Variants in FOXK2 observed in about 807,000 individuals in gnomAD.
FOXK2 encodes the protein forkhead box K2.
Under a neutral mutation model 53.3 loss-of-function variants are expected in FOXK2, and 24 were observed. That is an observed-to-expected ratio of 0.45 (90% CI 0.33 to 0.63). FOXK2 has a LOEUF of 0.63. FOXK2 is among the 30% of genes least tolerant of loss of function. The pLI is 0.03. For missense variants in FOXK2, 952 were observed against 910.5 expected, an observed-to-expected ratio of 1.05 and a Z score of -0.59; for synonymous variants, 505 against 407.1, an observed-to-expected ratio of 1.24 and a Z score of -2.89.
At chr17:82,601,277 G>A (rs774187840) in intron 8 of FOXK2, 26 bp from the exon 9 acceptor site, 1 of 1,602,716 alleles carries the variant, frequency 6.2e-7, no homozygotes, top group Non-Finnish European at 8.5e-7. Context: ...AGAGCGTGGG[G>A]TTCTGACTCC....
intron 8 of FOXK2, chr17:82,595,757 G>A (rs1012326662): frequency 8.5e-6 from 11 of 1,288,462 alleles, no homozygotes; most frequent in Non-Finnish European, 1.0e-5. Context: ...TGTGACTTGG[G>A]GTCCTTTCCC....
chr17:82,536,475 G>C (rs986485210), intron 1 of FOXK2, among the ~76,000 whole-genome samples: 1 of 152,160 alleles, frequency 6.6e-6, no homozygotes. Context: ...ACTTTTCCAA[G>C]CTATTGTTAT....
intron 4 of FOXK2, among the ~76,000 whole-genome samples, chr17:82,575,316 G>A (rs1046377173): frequency 1.4e-4 from 19 of 140,192 alleles, no homozygotes; most frequent in African/African-American, 4.7e-4. Context: ...CAGCAAACAC[G>A]CAAACACACT....
chr17:82,547,973 C>T (rs1011805331), intron 1 of FOXK2, among the ~76,000 whole-genome samples: 3 of 152,330 alleles, frequency 2.0e-5, no homozygotes, highest in South Asian at 2.1e-4. Context: ...GATTGCTGGG[C>T]GGCAGCTGAG....
Position 82,553,272 on chromosome 17 carries a change from C to T in FOXK2, c.420-10082C>T, listed in dbSNP as rs1466984467. Among the ~76,000 whole-genome samples the T allele has an allele frequency of 2.0e-5, 3 of 152,224 alleles. No homozygotes were observed. The East Asian group carries it at 5.8e-4, about 29-fold the overall frequency. On this transcript the variant is annotated intron_variant, in intron 1 of 8. Transcript: ENST00000335255. ...TTAAACAGGCAGAAAGGAGCTCACC[C>T]ATGGAGCATTTTTTCTGAGTCGCCT...
intron 4 of FOXK2, chr17:82,578,409 G>A (rs564138734): frequency 6.6e-5 from 10 of 152,306 alleles, no homozygotes; most frequent in Admixed American, 5.2e-4. Flanking sequence ...CATGTTTAGC[G>A]TTAAAGAATA....
intron 4 of FOXK2, chr17:82,576,739 T>G: frequency 2.6e-6 from 2 of 768,862 alleles, no homozygotes; most frequent in Non-Finnish European, 4.2e-6. Context: ...ACCGTGAACG[T>G]AGCAGCATGT....
Position 82,573,367 on chromosome 17 carries a change from A to G in FOXK2, c.909+1497A>G, listed in dbSNP as rs115144456. Among the ~76,000 whole-genome samples the G allele has an allele frequency of 7.2e-3, 1,095 of 152,010 alleles. 9 individuals carry two copies. The highest frequency in any genetic ancestry group is 0.025 in the African/African-American group (1,055 of 41,434). On this transcript the variant is annotated intron_variant, in intron 4 of 8. Transcript: ENST00000335255. The stretch of plus-strand genomic sequence containing the variant: ...CCCTGTCCTGCCTGCCTTCCTGTCT[A>G]CAGCAAGGGGGTATCTCTTAATTGA...
At chr17:82,543,942 A>G (rs920746604) in intron 1 of FOXK2, among the ~76,000 whole-genome samples, 1 of 151,904 alleles carries the variant, frequency 6.6e-6, no homozygotes, top group South Asian at 2.1e-4. Context: ...ACGCCTGGCT[A>G]ATTTTTTGTA....
At chr17:82,538,667 G>A (rs1176496024) in intron 1 of FOXK2, among the ~76,000 whole-genome samples, 1 of 152,168 alleles carries the variant, frequency 6.6e-6, no homozygotes, top group Non-Finnish European at 1.5e-5. Context: ...TCTGCACCGT[G>A]TTTTATAGGG....
chr17:82,560,211 T>C (rs1244852514), intron 1 of FOXK2, among the ~76,000 whole-genome samples: 1 of 151,648 alleles, frequency 6.6e-6, no homozygotes, highest in African/African-American at 2.4e-5. Flanking sequence ...GGTTTCAGAG[T>C]GTTAGGCAGG....
At chr17:82,573,911 G>C (rs2044951649) in intron 4 of FOXK2, among the ~76,000 whole-genome samples, 1 of 152,220 alleles carries the variant, frequency 6.6e-6, no homozygotes, top group Non-Finnish European at 1.5e-5. Context: ...CTGGATAAAG[G>C]CCTGGCCTCA....
chr17:82,558,440 C>T (rs912828081), intron 1 of FOXK2, among the ~76,000 whole-genome samples: 2 of 152,206 alleles, frequency 1.3e-5, no homozygotes, highest in African/African-American at 2.4e-5. Context: ...GGACGTTGTG[C>T]GTAACTCTAC....
intron 8 of FOXK2, chr17:82,595,897 CT>C: frequency 1.6e-6 from 2 of 1,282,038 alleles, no homozygotes; most frequent in South Asian, 1.2e-5. Flanking sequence ...AGAGCAAAGC[CT>C]TTTCCGGCAG....
At chr17:82,583,456 A>G (rs1011646565) in intron 5 of FOXK2, among the ~76,000 whole-genome samples, 9 of 152,228 alleles carry the variant, frequency 5.9e-5, no homozygotes, top group African/African-American at 2.2e-4. Context: ...CTGAGGCAGG[A>G]GAATCGCTTG....
At chr17:82,564,230 G>C (rs1007817085) in intron 2 of FOXK2, among the ~76,000 whole-genome samples, 22 of 151,780 alleles carry the variant, frequency 1.4e-4, no homozygotes, top group Non-Finnish European at 4.4e-5. Flanking sequence ...TGGGGCTACA[G>C]ACATGTGCCA....
intron 1 of FOXK2, among the ~76,000 whole-genome samples, chr17:82,550,737 C>T (rs1246098989): frequency 1.3e-5 from 2 of 151,856 alleles, no homozygotes. Context: ...GATCTTCTGA[C>T]CTTGTGATCC....
intron 1 of FOXK2, among the ~76,000 whole-genome samples, chr17:82,532,991 A>G (rs897072469): frequency 5.3e-5 from 8 of 152,138 alleles, no homozygotes; most frequent in Admixed American, 4.6e-4. Context: ...CTAGCCCTAC[A>G]TAGGGTCAGG....
chr17:82,543,425 G>A (rs775527060), intron 1 of FOXK2, among the ~76,000 whole-genome samples: 25 of 152,116 alleles, frequency 1.6e-4, no homozygotes, highest in Non-Finnish European at 3.5e-4. Flanking sequence ...CAGACTGATA[G>A]CTCAGTGTTG....
Sources: gnomAD v4.1 joint callset for allele counts (sites outside exome capture counted in the v4.1 genomes callset) on GRCh38, gnomAD v4.1.1 for gene constraint, MANE v1.5 for transcripts, NCBI Gene and HGNC (gene_info 2026-07-23, HGNC 2026-07-21) for gene names.